The following PARG variants were observed in gnomAD, a reference collection of about 807,000 sequenced individuals.
The protein encoded by PARG is poly(ADP-ribose) glycohydrolase, also known as mitochondrial poly(ADP-ribose) glycohydrolase.
PARG carries 35 observed loss-of-function variants against 113.0 expected under a neutral mutation model. The observed-to-expected ratio is 0.31, with a 90% CI of 0.24 to 0.41. The LOEUF (loss-of-function observed/expected upper bound fraction) is 0.41, where lower values mean the gene tolerates loss of function less well. PARG is among the 10% of genes least tolerant of loss of function. The pLI is 1.00. For missense variants in PARG, 797 were observed against 1,169.4 expected (o/e 0.68, Z 4.64); for synonymous variants, 330 against 409.9 (o/e 0.81, Z 2.36).
intron 12 of PARG, among the ~76,000 whole-genome samples, chr10:49,859,790 T>C (rs537648306): frequency 6.6e-6 from 1 of 152,244 alleles, no homozygotes; most frequent in Non-Finnish European, 1.5e-5. Context: ...AAACTCAGTA[T>C]GCCTCTAAAT....
At chr10:49,852,539 C>A (rs1261356599) in intron 13 of PARG, among the ~76,000 whole-genome samples, 1 of 147,114 alleles carries the variant, frequency 6.8e-6, no homozygotes, top group Non-Finnish European at 1.5e-5. Flanking sequence ...TGGAGGATGA[C>A]AATGTACTGG....
intron 13 of PARG, among the ~76,000 whole-genome samples, chr10:49,856,232 T>C (rs1242750412): frequency 1.3e-5 from 2 of 151,546 alleles, no homozygotes; most frequent in African/African-American, 2.4e-5. Context: ...CAGGCTGCAG[T>C]ACAGTGGCGC....
chr10:49,857,751 T>C (rs868961880), intron 12 of PARG, among the ~76,000 whole-genome samples: 42 of 151,454 alleles, frequency 2.8e-4, no homozygotes, highest in Admixed American at 1.1e-3. Context: ...TTGTGTCTCA[T>C]GGGCCACAAA....
At chr10:49,898,523 GCTT>G (rs1158988629) in intron 7 of PARG, among the ~76,000 whole-genome samples, 1 of 148,870 alleles carries the variant, frequency 6.7e-6, no homozygotes, top group African/African-American at 2.5e-5. Flanking sequence ...ACTATGATGT[GCTT>G]CTGCTCCACT....
At chr10:49,830,249 T>C (rs570366501) in intron 16 of PARG, among the ~76,000 whole-genome samples, 3 of 152,336 alleles carry the variant, frequency 2.0e-5, no homozygotes, top group Admixed American at 2.0e-4. Flanking sequence ...AGCTTCTGGA[T>C]TGATGACTTG....
intron 8 of PARG, among the ~76,000 whole-genome samples, chr10:49,880,396 A>G (rs562673114): frequency 4.6e-5 from 7 of 152,024 alleles, no homozygotes; most frequent in East Asian, 1.9e-4. Flanking sequence ...ACGGACATGC[A>G]TAAGTTGTAA....
Position 49,843,074 on chromosome 10 carries a change from G to A in PARG, c.2432+480C>T, listed in dbSNP as rs1378502092. Among the ~76,000 whole-genome samples, 8 of 152,324 alleles carry A rather than the reference G, an allele frequency of 5.3e-5. No homozygotes were observed. In the South Asian group the frequency reaches 1.2e-3, roughly 24 times the overall value. ...AAAGTAGAAGACTATATTTCAAGAA[G>A]ATATAGGAGACAAAGCAGCAAAGCA... On this transcript the variant is annotated intron_variant, in intron 14 of 17. Transcript: ENST00000616448.
At chr10:49,823,934 A>C (rs886675694) in intron 16 of PARG, among the ~76,000 whole-genome samples, 7 of 152,230 alleles carry the variant, frequency 4.6e-5, no homozygotes, top group African/African-American at 1.7e-4. Context: ...CATTTCTATT[A>C]GAGTACATAT....
At chr10:49,879,009 T>C (rs1208010622) in intron 9 of PARG, among the ~76,000 whole-genome samples, 1 of 152,236 alleles carries the variant, frequency 6.6e-6, no homozygotes, top group African/African-American at 2.4e-5. Context: ...ATATTTTTGT[T>C]TGTGTAGAAG....
chr10:49,843,417 G>GTA, intron 14 of PARG, 137 bp downstream of exon 14: 1 of 666,992 alleles, frequency 1.5e-6, no homozygotes, highest in East Asian at 2.7e-5. Context: ...CAATGAACCT[G>GTA]TAATGCTGAT....
In PARG at chr10:49,933,656, T is replaced by C. The variant is rs1838600081; in HGVS notation, c.792A>G (p.Ser264=). ...TACCAACATCCTCAGAGCCAACATC[T>C]GACAATGGACTCTCTGGCACCACAT... ...EIDVVPESPL[S]DVGSEDVGTG... The change falls in exon 3 of 18, where the codon TCA becomes TCG. Residue 264 remains serine (S), a synonymous_variant. Coordinates refer to ENST00000616448, the MANE Select transcript of PARG (RefSeq NM_003631.5). 6.2e-6 allele frequency: 10 copies of C among 1,610,020 alleles called. No individual in the cohort carries two copies. In the South Asian group the frequency reaches 1.1e-4, roughly 18 times the overall value.
At chr10:49,847,989 G>A (rs1554833597) in intron 13 of PARG, among the ~76,000 whole-genome samples, 1 of 151,320 alleles carries the variant, frequency 6.6e-6, no homozygotes, top group African/African-American at 2.4e-5. Flanking sequence ...AAGAGTATAT[G>A]GAAATTCCAT....
intron 16 of PARG, among the ~76,000 whole-genome samples, chr10:49,822,956 T>C (rs1481999077): frequency 1.3e-5 from 2 of 152,164 alleles, no homozygotes; most frequent in Non-Finnish European, 2.9e-5. Context: ...AAAAGGAGGC[T>C]AACAAACATG....
intron 7 of PARG, among the ~76,000 whole-genome samples, chr10:49,888,638 TTC>T (rs1360950551): frequency 2.0e-5 from 3 of 152,218 alleles, no homozygotes; most frequent in Non-Finnish European, 2.9e-5. Flanking sequence ...TCTTGATGCT[TTC>T]AAGATTTTTT....
intron 8 of PARG, among the ~76,000 whole-genome samples, chr10:49,881,184 G>T (rs1847195911): frequency 6.6e-6 from 1 of 152,012 alleles, no homozygotes; most frequent in South Asian, 2.1e-4. Flanking sequence ...ATCTACCTAA[G>T]ACCTGTAAGC....
At chr10:49,842,602 A>G (rs1845299058) in intron 14 of PARG, among the ~76,000 whole-genome samples, 1 of 152,246 alleles carries the variant, frequency 6.6e-6, no homozygotes, top group Non-Finnish European at 1.5e-5. Flanking sequence ...TTAAAATAAC[A>G]AAGACATCAA....
intron 14 of PARG, among the ~76,000 whole-genome samples, chr10:49,842,308 G>A (rs2132448820): frequency 6.6e-6 from 1 of 152,330 alleles, no homozygotes; most frequent in South Asian, 2.1e-4. Flanking sequence ...ATGACATAGT[G>A]TAAACAGGTA....
Position 49,941,981 on chromosome 10 carries a change from C to T in PARG, c.-256G>A. On this transcript the variant is annotated 5_prime_UTR_variant, in exon 1 of 18. Coordinates refer to ENST00000616448, the MANE Select transcript of PARG (RefSeq NM_003631.5). Reference sequence around the variant, plus strand: ...ATTCGGGATTCGTTCACTTTCCCACCACCGGAAAGCTGCCGTCAGGCGCTT... The same window carrying T: ...ATTCGGGATTCGTTCACTTTCCCACTACCGGAAAGCTGCCGTCAGGCGCTT... 1 of 898,934 alleles carries T rather than the reference C, an allele frequency of 1.1e-6. No homozygotes were observed. The highest frequency in any genetic ancestry group is 1.7e-6 in the Non-Finnish European group (1 of 573,534). The allele number at this position is 898,934 out of a possible 1,614,324, so 55.7% of individuals were successfully genotyped here. A position where few individuals can be genotyped will look rare whatever the true frequency, so the allele number is the denominator to read the frequency against.
chr10:49,907,814 T>C (rs1836938136), intron 7 of PARG, among the ~76,000 whole-genome samples: 1 of 152,154 alleles, frequency 6.6e-6, no homozygotes, highest in African/African-American at 2.4e-5. Flanking sequence ...CTGATAGAGA[T>C]ATAAATCATG....
Sources: allele counts gnomAD v4.1 joint callset (sites outside exome capture counted in the v4.1 genomes callset), GRCh38; gene constraint gnomAD v4.1.1; transcripts MANE v1.5; gene names NCBI Gene and HGNC (gene_info 2026-07-23, HGNC 2026-07-21).